CSTPP1: variants seen among roughly 807,000 people sequenced by gnomAD.
CSTPP1 encodes the protein UPF0705 protein C11orf49.
chr11:47,039,633 T>TC, the CSTPP1 span, among the ~76,000 whole-genome samples: 2 of 127,380 alleles, frequency 1.6e-5, no homozygotes, highest in African/African-American at 5.0e-5. Context: ...GGTCAGGAGA[T>TC]CGAGACCATC....
chr11:47,158,500 C>T, the CSTPP1 span, among the ~76,000 whole-genome samples: 3 of 152,100 alleles, frequency 2.0e-5, no homozygotes, highest in Non-Finnish European at 4.4e-5. Flanking sequence ...AAGAGAAGAG[C>T]CAGTAAGCCT....
At chr11:46,953,306 G>C in the CSTPP1 span, among the ~76,000 whole-genome samples, 1 of 152,146 alleles carries the variant, frequency 6.6e-6, no homozygotes, top group South Asian at 2.1e-4. Context: ...GTGATAGCAA[G>C]AGGAGGAAGA....
chr11:47,160,587 G>A, the CSTPP1 span: 1 of 154,334 alleles, frequency 6.5e-6, no homozygotes, highest in Non-Finnish European at 1.4e-5. Context: ...ATCTGAAAAA[G>A]ATTTGGAAAA....
the CSTPP1 span, among the ~76,000 whole-genome samples, chr11:47,152,002 G>A: frequency 6.6e-6 from 1 of 152,090 alleles, no homozygotes; most frequent in Non-Finnish European, 1.5e-5. Flanking sequence ...GGGTACTCAG[G>A]AAAGATACCT....
the CSTPP1 span, chr11:46,987,331 C>A: frequency 6.3e-7 from 1 of 1,597,188 alleles, no homozygotes; most frequent in Non-Finnish European, 8.6e-7. Context: ...GAATGTTGTA[C>A]TAATACAGTG....
the CSTPP1 span, among the ~76,000 whole-genome samples, chr11:47,147,928 A>C: frequency 1.3e-5 from 2 of 152,080 alleles, no homozygotes; most frequent in African/African-American, 4.8e-5. Context: ...TCATCATCAT[A>C]TTGTTTCCCA....
chr11:47,108,137 A>G, the CSTPP1 span, among the ~76,000 whole-genome samples: 1 of 152,272 alleles, frequency 6.6e-6, no homozygotes, highest in African/African-American at 2.4e-5. Context: ...ATGAATAATT[A>G]GCAATAGTTT....
chr11:47,140,755 T>C, the CSTPP1 span, among the ~76,000 whole-genome samples: 1 of 152,006 alleles, frequency 6.6e-6, no homozygotes, highest in African/African-American at 2.4e-5. Context: ...CCAGATTGTT[T>C]TAAGGAATAT....
the CSTPP1 span, chr11:46,987,137 A>G: frequency 6.9e-7 from 1 of 1,456,152 alleles, no homozygotes; most frequent in Non-Finnish European, 9.6e-7. Context: ...ATGACCTCCT[A>G]CTAGGATTGG....
chr11:47,078,979 T>C, the CSTPP1 span, among the ~76,000 whole-genome samples: 1 of 152,176 alleles, frequency 6.6e-6, no homozygotes, highest in Admixed American at 6.5e-5. Flanking sequence ...CCAAAAGTTG[T>C]ATTAATCATC....
chr11:47,126,620 G>C, the CSTPP1 span, among the ~76,000 whole-genome samples: 1 of 139,404 alleles, frequency 7.2e-6, no homozygotes, highest in Non-Finnish European at 1.6e-5. Flanking sequence ...GTAACAGAGC[G>C]AGACCCTATC....
At chr11:47,100,713 C>A in the CSTPP1 span, among the ~76,000 whole-genome samples, 2 of 152,318 alleles carry the variant, frequency 1.3e-5, no homozygotes, top group South Asian at 2.1e-4. Flanking sequence ...ATCGCTTAAA[C>A]CCAGAGGCAG....
the CSTPP1 span, among the ~76,000 whole-genome samples, chr11:46,992,043 C>G: frequency 6.6e-6 from 1 of 152,070 alleles, no homozygotes; most frequent in African/African-American, 2.4e-5. Flanking sequence ...TGCCCGGCCT[C>G]ATTTATTCTT....
chr11:47,058,282 C>G, the CSTPP1 span, among the ~76,000 whole-genome samples: 1 of 152,044 alleles, frequency 6.6e-6, no homozygotes, highest in Admixed American at 6.6e-5. Context: ...GAGCTGTGAT[C>G]GCACCACTGC....
chr11:47,038,104 T>A, the CSTPP1 span, among the ~76,000 whole-genome samples: 1 of 48,328 alleles, frequency 2.1e-5, no homozygotes, highest in Non-Finnish European at 5.2e-5. Flanking sequence ...GGCGGGGGGC[T>A]GACCCCCCCA....
At chr11:46,965,220 C>T in the CSTPP1 span, among the ~76,000 whole-genome samples, 1 of 115,886 alleles carries the variant, frequency 8.6e-6, no homozygotes, top group African/African-American at 4.7e-5. Flanking sequence ...ACACAAACAG[C>T]TTTTTTTTTT....
At chr11:46,985,143 T>G in the CSTPP1 span, among the ~76,000 whole-genome samples, 2 of 152,190 alleles carry the variant, frequency 1.3e-5, no homozygotes, top group East Asian at 3.9e-4. Flanking sequence ...TTGTTAGTTT[T>G]GGGAAGCACT....
the CSTPP1 span, among the ~76,000 whole-genome samples, chr11:47,008,437 T>C: frequency 6.6e-6 from 1 of 152,232 alleles, no homozygotes; most frequent in Non-Finnish European, 1.5e-5. Flanking sequence ...GTGATAAGTA[T>C]AAATGATATT....
At chr11:47,129,522 C>T in the CSTPP1 span, among the ~76,000 whole-genome samples, 1 of 152,190 alleles carries the variant, frequency 6.6e-6, no homozygotes, top group Non-Finnish European at 1.5e-5. Flanking sequence ...CATATCCTCA[C>T]ACTTTCTAAG....
Sources: gnomAD v4.1 joint callset for allele counts (sites outside exome capture counted in the v4.1 genomes callset) on GRCh38, gnomAD v4.1.1 for gene constraint, MANE v1.5 for transcripts, NCBI Gene and HGNC (gene_info 2026-07-23, HGNC 2026-07-21) for gene names.